The following STARD9 variants were observed in gnomAD, a reference collection of about 807,000 sequenced individuals.
STARD9 encodes StAR related lipid transfer domain containing 9, also known as stAR-related lipid transfer protein 9.
STARD9 carries 346 observed loss-of-function variants against 399.8 expected under a neutral mutation model. The ratio of observed to expected loss-of-function variants is 0.87; its 90% CI spans 0.79 to 0.95. The LOEUF is 0.95. STARD9 is among the 40% of genes least tolerant of loss of function. The pLI is 0.00. For synonymous variants in STARD9, 2,203 were observed against 2,143.5 expected, an observed-to-expected ratio of 1.03 and a Z score of -0.77; for missense variants, 5,832 against 5,667.5, an observed-to-expected ratio of 1.03 and a Z score of -0.93.
intron 15 of STARD9, among the ~76,000 whole-genome samples, chr15:42,668,302 A>C (rs926577256): frequency 6.6e-6 from 1 of 152,194 alleles, no homozygotes; most frequent in African/African-American, 2.4e-5. Flanking sequence ...AGGGTACATA[A>C]AGCACTTGTA....
At chr15:42,666,305 T>TC (rs1267628832) in intron 15 of STARD9, among the ~76,000 whole-genome samples, 4 of 152,102 alleles carry the variant, frequency 2.6e-5, no homozygotes, top group Non-Finnish European at 5.9e-5. Flanking sequence ...GAAGAAATCA[T>TC]TATGGTTTGG....
At chr15:42,710,545 A>T (rs907819916) in intron 26 of STARD9, among the ~76,000 whole-genome samples, 2 of 152,052 alleles carry the variant, frequency 1.3e-5, no homozygotes, top group African/African-American at 4.8e-5. Context: ...GGATTTGCCT[A>T]TTCTGGACAT....
intron 15 of STARD9, among the ~76,000 whole-genome samples, chr15:42,668,205 G>T (rs1006408121): frequency 5.9e-5 from 9 of 152,136 alleles, no homozygotes; most frequent in African/African-American, 2.2e-4. Context: ...AATGCCAGGG[G>T]TCCCTATCCA....
chr15:42,682,032 G>C, intron 21 of STARD9, 72 bp from the exon 22 acceptor site: 1 of 1,011,794 alleles, frequency 9.9e-7, no homozygotes, highest in Non-Finnish European at 1.4e-6. Context: ...ATGGCTGGAG[G>C]TATCTGAGTC....
At chr15:42,643,658 C>T (rs944054209) in intron 7 of STARD9, among the ~76,000 whole-genome samples, 5 of 152,038 alleles carry the variant, frequency 3.3e-5, no homozygotes, top group East Asian at 1.9e-4. Context: ...TGCACCACCA[C>T]GCCCAGCTAA....
chr15:42,674,504 G>GTATA lies in STARD9; in HGVS notation c.1549+15_1549+18dup. 6.5e-7 allele frequency: 1 copy of GTATA among 1,536,546 alleles called. No individual in the cohort carries two copies. The highest frequency in any genetic ancestry group is 8.7e-7 in the Non-Finnish European group (1 of 1,146,274). On this transcript the variant is annotated intron_variant, in intron 17 of 32. Transcript: ENST00000290607. ...GAACAGGACATTGGTAAGTGGCAGA[G>GTATA]TATATGAGTCCAGCATTTTGGGGCT...
rs149616782 is a variant in STARD9, at chr15:42,606,603, G to A, written c.234+20966G>A. On this transcript the variant is annotated intron_variant, in intron 3 of 32. Transcript: ENST00000290607. ...CCCAAGTACCTGGGAACACAGGTGC[G>A]CACCACCACACCCAGCTAATTTTTG... 5.1e-3 allele frequency among the ~76,000 whole-genome samples: 763 copies of A among 150,376 alleles called. 5 individuals carry two copies. The highest frequency in any genetic ancestry group is 0.018 in the African/African-American group (718 of 40,954).
intron 32 of STARD9, 77 bp from the exon 33 acceptor site, chr15:42,719,396 G>T (rs1457397370): frequency 1.1e-6 from 1 of 901,024 alleles, no homozygotes; most frequent in Admixed American, 2.1e-5. Flanking sequence ...AGGCTGAGGG[G>T]ACTCCATGGG....
rs532451462 is a variant in STARD9, at chr15:42,609,359, C to G, written c.234+23722C>G. 2.0e-5 allele frequency among the ~76,000 whole-genome samples: 3 copies of G among 152,178 alleles called. No homozygotes were observed. The South Asian group carries it at 6.2e-4, about 32-fold the overall frequency. On this transcript the variant is annotated intron_variant, in intron 3 of 32. Coordinates refer to ENST00000290607, the MANE Select transcript of STARD9 (RefSeq NM_020759.3). The stretch of plus-strand genomic sequence containing the variant: ...CAGTCAGTGTGTCATGAACACACTT[C>G]TGCAGAAGAGACGGTATGGTCAAAA...
chr15:42,594,871 A>G (rs1000326140), intron 3 of STARD9, among the ~76,000 whole-genome samples: 3 of 152,262 alleles, frequency 2.0e-5, no homozygotes, highest in African/African-American at 7.2e-5. Context: ...ATCTAGTAGT[A>G]TGGGGAAGTA....
intron 9 of STARD9, among the ~76,000 whole-genome samples, chr15:42,655,241 C>T (rs539274416): frequency 1.3e-5 from 2 of 152,162 alleles, no homozygotes; most frequent in African/African-American, 4.8e-5. Flanking sequence ...GAGATCACAC[C>T]GCTGCACTCC....
intron 9 of STARD9, among the ~76,000 whole-genome samples, chr15:42,653,997 T>C (rs1431618309): frequency 1.3e-5 from 2 of 152,190 alleles, no homozygotes; most frequent in Admixed American, 6.5e-5. Flanking sequence ...GTTAGTATTA[T>C]TTTAAAGTAG....
intron 26 of STARD9, among the ~76,000 whole-genome samples, chr15:42,701,145 T>G (rs952047116): frequency 2.0e-5 from 3 of 152,222 alleles, no homozygotes; most frequent in Non-Finnish European, 4.4e-5. Context: ...CATGCTGTTT[T>G]GATTACTATA....
chr15:42,669,346 G>T lies in STARD9; in HGVS notation c.1497+9G>T. 1 of 1,505,484 alleles carries T rather than the reference G, an allele frequency of 6.6e-7. No homozygotes were observed. The allele number at this position is 1,505,484 out of a possible 1,614,324, so 93.3% of individuals were successfully genotyped here. On this transcript the variant is annotated intron_variant, in intron 16 of 32. Transcript: ENST00000290607. Reference sequence around the variant, plus strand: ...TGCTCTATCATCTCAAGGTGAGGAGGCTAGTGTATCCTTTTCTTCCTAAGC... The same window carrying T: ...TGCTCTATCATCTCAAGGTGAGGAGTCTAGTGTATCCTTTTCTTCCTAAGC...
At position 42,691,658 on chromosome 15, in the gene STARD9, C is replaced by A. The variant is rs1871231058; in HGVS notation, c.10080C>A (p.Asn3360Lys). 2 of 1,537,270 alleles carry A rather than the reference C, an allele frequency of 1.3e-6. No individual in the cohort carries two copies. The highest frequency in any genetic ancestry group is 1.7e-6 in the Non-Finnish European group (2 of 1,146,912). ...EDTQGPNRLW[N>K]PHLRGYSSGK... ...CACAGGGGCCTAACAGATTGTGGAA[C>A]CCACATCTCAGGGGCTATTCCTCAG... is the stretch of plus-strand genomic sequence containing the variant. The change falls in exon 23 of 33, where the codon AAC becomes AAA. Residue 3360 changes from asparagine (N) to lysine (K), a missense_variant. This residue lies in a region of STARD9 where 5,828 missense variants were observed against 5,651.1 expected (regional missense o/e 1.03). Transcript: ENST00000290607.
chr15:42,619,937 C>A (rs898903615), intron 3 of STARD9, among the ~76,000 whole-genome samples: 2 of 152,160 alleles, frequency 1.3e-5, no homozygotes, highest in Non-Finnish European at 2.9e-5. Context: ...AAACGAGAGG[C>A]CTTTATTCAG....
intron 26 of STARD9, among the ~76,000 whole-genome samples, chr15:42,711,999 C>T (rs574257102): frequency 7.9e-6 from 1 of 126,540 alleles, no homozygotes; most frequent in South Asian, 2.5e-4. Flanking sequence ...CCTAGTGGAT[C>T]GGAAGTAGTA....
At chr15:42,650,920 C>A in intron 7 of STARD9, 96 bp from the exon 8 acceptor site, 2 of 794,068 alleles carry the variant, frequency 2.5e-6, no homozygotes, top group South Asian at 2.0e-5. Context: ...GTCTATTAAA[C>A]AATATGAAAT....
At position 42,604,507 on chromosome 15, in the gene STARD9, G is replaced by A. The variant is rs541132796; in HGVS notation, c.234+18870G>A. ...TAAAGAGAGAATTACTCCACAGTGT[G>A]GTAAATGTTATCATATTTTAACCAA... On this transcript the variant is annotated intron_variant, in intron 3 of 32. Coordinates refer to ENST00000290607, the MANE Select transcript of STARD9 (RefSeq NM_020759.3). 6.6e-5 allele frequency among the ~76,000 whole-genome samples: 10 copies of A among 151,916 alleles called. 1 individual carries two copies. The East Asian group carries it at 1.9e-3, about 29-fold the overall frequency.
Sources: allele counts gnomAD v4.1 joint callset (sites outside exome capture counted in the v4.1 genomes callset), GRCh38; gene constraint gnomAD v4.1.1; regional missense constraint gnomAD v4.1.1; transcripts MANE v1.5; gene names NCBI Gene and HGNC (gene_info 2026-07-23, HGNC 2026-07-21).